Variants in PRKCE observed in about 807,000 individuals in gnomAD.
PRKCE encodes the protein protein kinase C epsilon.
A neutral mutation model predicts 85.4 loss-of-function variants in PRKCE; 16 were observed. The ratio of observed to expected loss-of-function variants is 0.19; its 90% CI spans 0.13 to 0.28. PRKCE has a LOEUF of 0.28. Among genes scored for constraint, PRKCE ranks in the 10% least tolerant of loss-of-function variants. The pLI is 1.00. For synonymous variants in PRKCE, 388 were observed against 371.5 expected, an observed-to-expected ratio of 1.04 and a Z score of -0.51; for missense variants, 573 against 975.2, an observed-to-expected ratio of 0.59 and a Z score of 5.49.
intron 10 of PRKCE, among the ~76,000 whole-genome samples, chr2:46,072,896 G>A (rs1316042795): frequency 6.6e-6 from 1 of 152,206 alleles, no homozygotes. Flanking sequence ...GAAAAATGCA[G>A]TAGAATCACC....
At chr2:46,123,148 CAAAA>C (rs71394873) in intron 11 of PRKCE, among the ~76,000 whole-genome samples, 1 of 84,294 alleles carries the variant, frequency 1.2e-5, no homozygotes, top group Non-Finnish European at 2.1e-5. Context: ...AGTTCACTAG[CAAAA>C]AAAAAAAAAA....
intron 1 of PRKCE, among the ~76,000 whole-genome samples, chr2:45,827,504 A>C (rs1026337659): frequency 2.0e-5 from 3 of 152,194 alleles, no homozygotes; most frequent in Admixed American, 1.3e-4. Context: ...GTTCATTTTT[A>C]AAGGCCTGGA....
At chr2:45,847,829 C>T (rs1167432317) in intron 2 of PRKCE, among the ~76,000 whole-genome samples, 1 of 152,190 alleles carries the variant, frequency 6.6e-6, no homozygotes, top group African/African-American at 2.4e-5. Context: ...CAAAGGTGAC[C>T]AGAGTCTCCT....
Position 46,159,364 on chromosome 2 carries a change from C to G in PRKCE, c.1921-242C>G, listed in dbSNP as rs1307084476. Among the ~76,000 whole-genome samples the G allele has an allele frequency of 6.6e-6, 1 of 152,122 alleles. No individual in the cohort carries two copies. The highest frequency in any genetic ancestry group is 2.1e-4 in the South Asian group (1 of 4,820). On this transcript the variant is annotated intron_variant, in intron 13 of 14. Transcript: ENST00000306156. The surrounding 1 kb of genome is among the most constrained non-coding windows in gnomAD (Gnocchi z 4.1). The stretch of plus-strand genomic sequence containing the variant: ...TTATAATATAGAGACAATGATAGTA[C>G]CTCGTAGGGCATTAGGATGAAATGA...
intron 2 of PRKCE, among the ~76,000 whole-genome samples, chr2:45,929,497 T>C (rs1345168117): frequency 2.0e-5 from 3 of 152,068 alleles, no homozygotes; most frequent in Non-Finnish European, 1.5e-5. Flanking sequence ...AAAGAAAAGA[T>C]GCAGGAAACT....
intron 1 of PRKCE, among the ~76,000 whole-genome samples, chr2:45,787,261 T>G (rs1197258938): frequency 6.6e-6 from 1 of 152,092 alleles, no homozygotes; most frequent in East Asian, 1.9e-4. Flanking sequence ...GCACAGGAAC[T>G]CAATGATCAC....
At chr2:46,183,969 C>A (rs1030409771) in intron 14 of PRKCE, among the ~76,000 whole-genome samples, 3 of 152,154 alleles carry the variant, frequency 2.0e-5, no homozygotes, top group Non-Finnish European at 4.4e-5. Context: ...CCCCAAGAAC[C>A]ATAAGGCACA....
intron 1 of PRKCE, among the ~76,000 whole-genome samples, chr2:45,669,921 G>C (rs536752717): frequency 2.6e-5 from 4 of 152,306 alleles, no homozygotes; most frequent in South Asian, 4.1e-4. Flanking sequence ...TGAGGCACGA[G>C]AATCACTTGA....
chr2:45,859,344 G>A (rs1367826885), intron 2 of PRKCE, among the ~76,000 whole-genome samples: 1 of 152,078 alleles, frequency 6.6e-6, no homozygotes, highest in African/African-American at 2.4e-5. Flanking sequence ...ACCCAGGCAT[G>A]GTAAATGATG....
intron 11 of PRKCE, among the ~76,000 whole-genome samples, chr2:46,107,417 C>CGGATCACGAGGTCAGG (rs1671833722): frequency 6.6e-6 from 1 of 152,138 alleles, no homozygotes; most frequent in Non-Finnish European, 1.5e-5. Flanking sequence ...CCGAGGCGGG[C>CGGATCACGAGGTCAGG]AGATATTCCA....
At chr2:45,841,306 A>G (rs747451972) in intron 1 of PRKCE, among the ~76,000 whole-genome samples, 16 of 152,250 alleles carry the variant, frequency 1.1e-4, no homozygotes, top group Non-Finnish European at 1.8e-4. Flanking sequence ...TCCGTGTCCG[A>G]AAACCTGAAA....
intron 10 of PRKCE, among the ~76,000 whole-genome samples, chr2:46,046,702 A>G (rs1222982299): frequency 1.3e-5 from 2 of 152,232 alleles, no homozygotes; most frequent in Admixed American, 1.3e-4. Context: ...TCAACTGTGT[A>G]GCTACAGCAG....
chr2:45,987,987 T>G (rs972796767), intron 6 of PRKCE, among the ~76,000 whole-genome samples: 1 of 152,194 alleles, frequency 6.6e-6, no homozygotes, highest in African/African-American at 2.4e-5. Context: ...CAAGACTTAG[T>G]GACCTGCAAG....
At chr2:45,707,639 TC>T (rs1679222790) in intron 1 of PRKCE, among the ~76,000 whole-genome samples, 1 of 152,154 alleles carries the variant, frequency 6.6e-6, no homozygotes, top group South Asian at 2.1e-4. Context: ...TCAAATATTT[TC>T]CCCTCAGCCC....
intron 12 of PRKCE, among the ~76,000 whole-genome samples, chr2:46,149,005 T>C (rs1475455142): frequency 1.3e-5 from 2 of 152,228 alleles, no homozygotes; most frequent in Non-Finnish European, 2.9e-5. Context: ...CCAAGTAATG[T>C]AGAGTTGGCT....
chr2:45,832,164 CCCAAAG>C lies in PRKCE; in HGVS notation c.349-10835_349-10830del, dbSNP rs549002171. Among the ~76,000 whole-genome samples the C allele has an allele frequency of 1.7e-4, 26 of 152,256 alleles. No individual in the cohort carries two copies. The South Asian group carries it at 4.1e-3, about 24-fold the overall frequency. On this transcript the variant is annotated intron_variant, in intron 1 of 14. Coordinates refer to ENST00000306156, the MANE Select transcript of PRKCE (RefSeq NM_005400.3). ...AATATTCCCCGGAGAGCAATTATTCCCCAAAGTTGGGCATCCTGCGTCACATTTGTA... is the reference window on the plus strand; with the variant it reads ...AATATTCCCCGGAGAGCAATTATTCCTTGGGCATCCTGCGTCACATTTGTA...
intron 2 of PRKCE, among the ~76,000 whole-genome samples, chr2:45,946,796 C>T (rs567546063): frequency 6.6e-6 from 1 of 152,220 alleles, no homozygotes; most frequent in Admixed American, 6.5e-5. Flanking sequence ...TGACCATGTT[C>T]TGGAACAGTT....
intron 1 of PRKCE, among the ~76,000 whole-genome samples, chr2:45,824,469 G>A (rs1038952327): frequency 6.6e-6 from 1 of 152,148 alleles, no homozygotes; most frequent in East Asian, 1.9e-4. Flanking sequence ...CATTGGGTTG[G>A]ACTGGTGGGG....
At chr2:46,080,323 C>T (rs561840035) in intron 10 of PRKCE, among the ~76,000 whole-genome samples, 5 of 145,866 alleles carry the variant, frequency 3.4e-5, no homozygotes, top group Admixed American at 3.4e-4. Context: ...TTTAAAACAC[C>T]CTTAATGTGT....
Sources: gnomAD v4.1 joint callset for allele counts (sites outside exome capture counted in the v4.1 genomes callset) on GRCh38, gnomAD v4.1.1 for gene constraint, Gnocchi (gnomAD v3.1) non-coding constraint, MANE v1.5 for transcripts, NCBI Gene and HGNC (gene_info 2026-07-23, HGNC 2026-07-21) for gene names.